Variants in PDGFD observed in about 807,000 individuals in gnomAD.
The protein encoded by PDGFD is platelet derived growth factor D, also known as platelet-derived growth factor D.
Under a neutral mutation model 44.7 loss-of-function variants are expected in PDGFD, and 30 were observed. The observed-to-expected ratio is 0.67, with a 90% confidence interval of 0.50 to 0.91. PDGFD has a LOEUF of 0.91. Ranked by LOEUF, PDGFD falls within the 40% of genes least tolerant of loss-of-function variation. The probability of loss-of-function intolerance (pLI) is 0.00; values close to 1 mark genes in which losing one functional copy is unlikely to be tolerated. For synonymous variants in PDGFD, 173 were observed against 168.4 expected (o/e 1.03, Z -0.21); for missense variants, 445 against 457.8 (o/e 0.97, Z 0.25).
At position 103,977,457 on chromosome 11, in the gene PDGFD, A is replaced by C. The variant is rs564979914; in HGVS notation, c.510+18608T>G. Among the ~76,000 whole-genome samples the C allele has an allele frequency of 7.4e-4, 113 of 152,248 alleles. 3 individuals carry two copies. Among genetic ancestry groups the C allele is most frequent in the Admixed American group, 6.8e-3 (104 of 15,272 alleles). On this transcript the variant is annotated intron_variant, in intron 3 of 6. Transcript: ENST00000393158. ...AAAAATCCTCAATAAAATACTGGCA[A>C]ACCAAATCCAGCAGTACGTCAAAAA...
intron 3 of PDGFD, among the ~76,000 whole-genome samples, chr11:103,957,323 A>G (rs890024144): frequency 6.6e-6 from 1 of 152,206 alleles, no homozygotes; most frequent in African/African-American, 2.4e-5. Context: ...TGCCATCCCC[A>G]TCAAGCTACC....
At chr11:103,931,380 G>C (rs537762831) in intron 5 of PDGFD, among the ~76,000 whole-genome samples, 2 of 152,288 alleles carry the variant, frequency 1.3e-5, no homozygotes, top group East Asian at 1.9e-4. Context: ...ATAATTTACT[G>C]CTTGTTTTGG....
intron 3 of PDGFD, among the ~76,000 whole-genome samples, chr11:103,956,760 G>A (rs10895550): frequency 0.16 from 23,913 of 151,936 alleles, 2,139 homozygotes; most frequent in East Asian, 0.21. Context: ...CATTCTAACT[G>A]GCGTGAGATG....
intron 1 of PDGFD, among the ~76,000 whole-genome samples, chr11:104,163,161 T>G (rs745784577): frequency 6.6e-6 from 1 of 152,158 alleles, no homozygotes; most frequent in Non-Finnish European, 1.5e-5. Flanking sequence ...CCTGTGGTAC[T>G]GATGAAACCC....
At chr11:104,038,148 A>G (rs1173652454) in intron 1 of PDGFD, 1 of 849,054 alleles carries the variant, frequency 1.2e-6, no homozygotes, top group Non-Finnish European at 1.8e-6. Flanking sequence ...ACGTTCTCAG[A>G]TGGGTAACTA....
chr11:104,139,873 T>TAAAAAAAAA, intron 1 of PDGFD, among the ~76,000 whole-genome samples: 3 of 19,866 alleles, frequency 1.5e-4, no homozygotes, highest in Non-Finnish European at 2.5e-4. Context: ...CCGTCTCTAC[T>TAAAAAAAAA]AAAAAAAAAA....
chr11:103,928,748 T>C lies in PDGFD; in HGVS notation c.773-1622A>G, dbSNP rs150233262. Among the ~76,000 whole-genome samples the C allele has an allele frequency of 2.5e-3, 377 of 152,306 alleles. 5 individuals carry two copies. The highest frequency in any genetic ancestry group is 8.7e-3 in the African/African-American group (362 of 41,576). The stretch of plus-strand genomic sequence containing the variant: ...ATGTCATAACTTTAGCTATAATCAA[T>C]CCAGATTTAAATTGAATGAACTCTG... On this transcript the variant is annotated intron_variant, in intron 5 of 6. Transcript: ENST00000393158.
chr11:103,975,686 G>A (rs1331608284), intron 3 of PDGFD, among the ~76,000 whole-genome samples: 2 of 152,054 alleles, frequency 1.3e-5, no homozygotes, highest in African/African-American at 4.8e-5. Context: ...TATATGGAAG[G>A]GGTCCAGTTT....
At chr11:104,002,392 A>G (rs888133593) in intron 1 of PDGFD, among the ~76,000 whole-genome samples, 1 of 152,050 alleles carries the variant, frequency 6.6e-6, no homozygotes, top group Non-Finnish European at 1.5e-5. Context: ...TTCTCATGAA[A>G]TCTGATGGCT....
chr11:104,001,240 C>G lies in PDGFD; in HGVS notation c.125-985G>C, dbSNP rs1859614316. ...CCAGTGAAAACTCTAGACACCAAGA[C>G]TTGGGTGAGTTTCCCAGGTGGGGAT... On this transcript the variant is annotated intron_variant, in intron 1 of 6. Transcript: ENST00000393158. Among the ~76,000 whole-genome samples the G allele has an allele frequency of 2.6e-5, 4 of 152,226 alleles. No homozygotes were observed. The South Asian group carries it at 8.3e-4, about 31-fold the overall frequency.
chr11:104,099,626 G>C (rs926637011), intron 1 of PDGFD, among the ~76,000 whole-genome samples: 2 of 126,512 alleles, frequency 1.6e-5, no homozygotes, highest in African/African-American at 6.1e-5. Flanking sequence ...AGTGAAAACT[G>C]TTTCAAAAAC....
At chr11:103,954,955 G>C (rs1425957626) in intron 3 of PDGFD, among the ~76,000 whole-genome samples, 1 of 151,552 alleles carries the variant, frequency 6.6e-6, no homozygotes, top group African/African-American at 2.4e-5. Flanking sequence ...ACGAGGTCAG[G>C]AGATCGAGAC....
intron 1 of PDGFD, among the ~76,000 whole-genome samples, chr11:104,028,788 A>T (rs982351858): frequency 6.6e-6 from 1 of 151,716 alleles, no homozygotes; most frequent in Admixed American, 6.6e-5. Flanking sequence ...GTAAAAAAAA[A>T]ATGCAGAAAA....
At chr11:103,921,031 G>C (rs1015120235) in intron 6 of PDGFD, among the ~76,000 whole-genome samples, 3 of 152,152 alleles carry the variant, frequency 2.0e-5, no homozygotes, top group African/African-American at 4.8e-5. Context: ...GAGGCCCTGG[G>C]AAGTTTTAAG....
At chr11:104,134,111 A>G (rs1591180991) in intron 1 of PDGFD, among the ~76,000 whole-genome samples, 2 of 152,284 alleles carry the variant, frequency 1.3e-5, no homozygotes, top group African/African-American at 4.8e-5. Flanking sequence ...TTGAAAAGTT[A>G]TATTTCCATC....
chr11:104,084,139 T>C (rs969739948), intron 1 of PDGFD, among the ~76,000 whole-genome samples: 31 of 152,210 alleles, frequency 2.0e-4, no homozygotes, highest in African/African-American at 7.0e-4. Context: ...CTTCTATGCA[T>C]TGGGGAACCA....
chr11:104,121,439 C>A (rs1861777220), intron 1 of PDGFD, among the ~76,000 whole-genome samples: 1 of 151,990 alleles, frequency 6.6e-6, no homozygotes, highest in African/African-American at 2.4e-5. Context: ...TCATAGAGGT[C>A]AACTGGTCCA....
At chr11:104,084,157 T>C (rs1386342590) in intron 1 of PDGFD, among the ~76,000 whole-genome samples, 1 of 152,198 alleles carries the variant, frequency 6.6e-6, no homozygotes. Flanking sequence ...CCACAGTGAA[T>C]GGACAGAGAA....
At chr11:103,960,830 C>T (rs1858923659) in intron 3 of PDGFD, among the ~76,000 whole-genome samples, 1 of 150,876 alleles carries the variant, frequency 6.6e-6, no homozygotes, top group Non-Finnish European at 1.5e-5. Flanking sequence ...AAATGGATGT[C>T]TTCTTGCTGT....
Sources: gnomAD v4.1 joint callset for allele counts (sites outside exome capture counted in the v4.1 genomes callset) on GRCh38, gnomAD v4.1.1 for gene constraint, MANE v1.5 for transcripts, NCBI Gene and HGNC (gene_info 2026-07-23, HGNC 2026-07-21) for gene names.